Variants in ENPP3 observed in about 807,000 individuals in gnomAD.
The protein encoded by ENPP3 is ectonucleotide pyrophosphatase/phosphodiesterase family member 3.
Under a neutral mutation model 117.8 loss-of-function variants are expected in ENPP3, and 104 were observed. The ratio of observed to expected loss-of-function variants is 0.88; its 90% confidence interval spans 0.75 to 1.04. ENPP3 has a LOEUF of 1.04. Among genes scored for constraint, ENPP3 ranks in the 50% least tolerant of loss-of-function variants. ENPP3 has a pLI of 0.00. For synonymous variants in ENPP3, 380 were observed against 349.9 expected (o/e 1.09, Z -0.96); for missense variants, 1,026 against 1,051.9 (o/e 0.98, Z 0.34).
In ENPP3 at chr6:131,722,269, G is replaced by A. The variant is rs762612558; in HGVS notation, c.1610G>A (p.Gly537Asp). The A allele has an allele frequency of 1.9e-6, 3 of 1,614,004 alleles. No homozygotes were observed. The highest frequency in any genetic ancestry group is 1.3e-5 in the African/African-American group (1 of 75,012). ...CCAGCACCAAACAATGGAACCCATG[G>A]TAGTTTAAACCATCTTCTGAAGGTG... is the stretch of plus-strand genomic sequence containing the variant. ...IQPAPNNGTHGSLNHLLKVPF... is the reference protein window; with the variant it reads ...IQPAPNNGTHDSLNHLLKVPF... The change falls in exon 18 of 25, where the codon GGT (glycine) becomes GAT (aspartate). Residue 537 changes from glycine (G) to aspartate (D), a missense_variant. Coordinates refer to ENST00000357639, the MANE Select transcript of ENPP3 (RefSeq NM_005021.5).
chr6:131,723,475 G>A (rs1780079671), intron 18 of ENPP3, among the ~76,000 whole-genome samples: 1 of 152,116 alleles, frequency 6.6e-6, no homozygotes, highest in Non-Finnish European at 1.5e-5. Flanking sequence ...GATAAAACAT[G>A]CTCAGAGAAG....
chr6:131,668,676 G>GT (rs1254358157), intron 6 of ENPP3, among the ~76,000 whole-genome samples: 4 of 151,610 alleles, frequency 2.6e-5, no homozygotes, highest in African/African-American at 4.9e-5. Flanking sequence ...TTTTTTAATT[G>GT]TTTTTTTAGA....
At chr6:131,650,726 T>G (rs1778246117) in intron 3 of ENPP3, among the ~76,000 whole-genome samples, 1 of 152,186 alleles carries the variant, frequency 6.6e-6, no homozygotes, top group Non-Finnish European at 1.5e-5. Context: ...TCTCCTAGCT[T>G]CTGGTGGCTG....
chr6:131,701,848 C>T (rs1779540091), intron 15 of ENPP3, among the ~76,000 whole-genome samples: 1 of 149,956 alleles, frequency 6.7e-6, no homozygotes, highest in African/African-American at 2.5e-5. Flanking sequence ...CAACACTGCA[C>T]TCCAGCCTGG....
intron 14 of ENPP3, among the ~76,000 whole-genome samples, chr6:131,690,593 G>C (rs955830809): frequency 5.9e-5 from 9 of 152,170 alleles, no homozygotes; most frequent in Non-Finnish European, 1.0e-4. Flanking sequence ...TGGTGGTCTG[G>C]AAGTGAGTTC....
intron 16 of ENPP3, 110 bp from the exon 17 acceptor site, chr6:131,720,182 G>A (rs1166761398): frequency 1.6e-6 from 1 of 630,258 alleles, no homozygotes; most frequent in East Asian, 2.8e-5. Context: ...CCTTACAGAG[G>A]CCTAATACAA....
Position 131,737,522 on chromosome 6 carries a change from G to T in ENPP3, c.2167+90G>T, listed in dbSNP as rs138444603. Reference sequence around the variant, plus strand: ...ACACATATTTTTTTAATTGCAATTTGTTCCTGATATTAAGGGTCATTTTGT... The same window carrying T: ...ACACATATTTTTTTAATTGCAATTTTTTCCTGATATTAAGGGTCATTTTGT... On this transcript the variant is annotated intron_variant, in intron 22 of 24. Coordinates refer to ENST00000357639, the MANE Select transcript of ENPP3 (RefSeq NM_005021.5). 2.3e-5 allele frequency: 17 copies of T among 746,200 alleles called. No homozygotes were observed. In the African/African-American group the frequency reaches 2.8e-4, roughly 12 times the overall value. 46.2% of individuals were successfully genotyped at this position (746,200 alleles called of 1,614,324 possible).
At chr6:131,667,824 C>T (rs1303377037) in intron 6 of ENPP3, among the ~76,000 whole-genome samples, 1 of 152,162 alleles carries the variant, frequency 6.6e-6, no homozygotes, top group Admixed American at 6.5e-5. Context: ...TGGGAAGAGT[C>T]GTCCAAGATT....
chr6:131,687,902 G>C (rs1420818497), intron 14 of ENPP3, among the ~76,000 whole-genome samples: 1 of 152,146 alleles, frequency 6.6e-6, no homozygotes, highest in Non-Finnish European at 1.5e-5. Context: ...AACTATTTGA[G>C]TATGGGGGTA....
At chr6:131,735,396 A>C (rs926006030) in intron 21 of ENPP3, among the ~76,000 whole-genome samples, 1 of 152,092 alleles carries the variant, frequency 6.6e-6, no homozygotes. Context: ...ACCATATGAA[A>C]TCTGAAGAAA....
At chr6:131,706,838 C>A (rs1407122096) in intron 15 of ENPP3, among the ~76,000 whole-genome samples, 1 of 152,002 alleles carries the variant, frequency 6.6e-6, no homozygotes, top group African/African-American at 2.4e-5. Context: ...CTCTATTTAT[C>A]AAGTAAGTTA....
chr6:131,684,509 A>G (rs1029118356), intron 12 of ENPP3, among the ~76,000 whole-genome samples: 2 of 152,190 alleles, frequency 1.3e-5, no homozygotes, highest in African/African-American at 2.4e-5. Context: ...GTGAAACCCC[A>G]TCTCTACTAA....
intron 6 of ENPP3, 82 bp from the exon 7 acceptor site, chr6:131,671,166 A>G: frequency 1.2e-6 from 1 of 802,876 alleles, no homozygotes; most frequent in Non-Finnish European, 2.2e-6. Flanking sequence ...TTTTTCTGAG[A>G]GACTTTCATG....
intron 15 of ENPP3, among the ~76,000 whole-genome samples, chr6:131,696,105 TTCA>T (rs755073514): frequency 6.6e-6 from 1 of 152,200 alleles, no homozygotes; most frequent in Non-Finnish European, 1.5e-5. Context: ...ATAATCCATT[TTCA>T]TCATCATCAT....
intron 2 of ENPP3, among the ~76,000 whole-genome samples, chr6:131,644,840 A>G (rs1778122753): frequency 1.3e-5 from 2 of 152,286 alleles, no homozygotes; most frequent in Middle Eastern, 3.4e-3. Context: ...AGCAAAGAAA[A>G]CTAGGAAGGA....
At chr6:131,737,993 A>T in intron 22 of ENPP3, 38 bp from the exon 23 acceptor site, 1 of 1,464,064 alleles carries the variant, frequency 6.8e-7, no homozygotes. Context: ...TATTTCACTG[A>T]AGTGGACATT....
intron 15 of ENPP3, among the ~76,000 whole-genome samples, chr6:131,715,401 G>A (rs1486992600): frequency 1.5e-5 from 2 of 134,064 alleles, no homozygotes; most frequent in African/African-American, 7.2e-5. Context: ...CCTTGTGCAA[G>A]GGGACCATCT....
rs529407332 is a variant in ENPP3 at position 131,718,354 on chromosome 6, CT to C, written c.1413-315del. On this transcript the variant is annotated intron_variant, in intron 15 of 24. Coordinates refer to ENST00000357639, the MANE Select transcript of ENPP3 (RefSeq NM_005021.5). ...ATTCATTTTTTTTTAAAATATGTACCTTTATTACTAGCCTTAGTCAGTATCT... is the reference window on the plus strand; with the variant it reads ...ATTCATTTTTTTTTAAAATATGTACCTTATTACTAGCCTTAGTCAGTATCT... 5.3e-5 allele frequency among the ~76,000 whole-genome samples: 8 copies of C among 151,978 alleles called. No individual in the cohort carries two copies. The South Asian group carries it at 1.7e-3, about 32-fold the overall frequency.
At chr6:131,649,887 G>T (rs1476890037) in intron 2 of ENPP3, 140 bp from the exon 3 acceptor site, 1 of 845,886 alleles carries the variant, frequency 1.2e-6, no homozygotes, top group African/African-American at 1.7e-5. Flanking sequence ...ACATTGTATT[G>T]GCAGATCCTG....
Sources: allele counts gnomAD v4.1 joint callset (sites outside exome capture counted in the v4.1 genomes callset), GRCh38; gene constraint gnomAD v4.1.1; transcripts MANE v1.5; gene names NCBI Gene and HGNC (gene_info 2026-07-23, HGNC 2026-07-21).